The following SPICE1 variants were observed in gnomAD, a reference collection of about 807,000 sequenced individuals.
SPICE1 encodes spindle and centriole associated protein 1.
SPICE1 carries 75 observed loss-of-function variants against 102.7 expected under a neutral mutation model. That is an observed-to-expected ratio of 0.73 (90% CI 0.61 to 0.88). SPICE1 has a LOEUF of 0.88. Ranked by LOEUF, SPICE1 falls within the 40% of genes least tolerant of loss-of-function variation. The pLI is 0.00. For synonymous variants in SPICE1, 308 were observed against 350.3 expected (o/e 0.88, Z 1.35); for missense variants, 979 against 1,020.1 (o/e 0.96, Z 0.55).
chr3:113,454,740 C>T (rs1318294427), intron 13 of SPICE1, among the ~76,000 whole-genome samples: 2 of 151,618 alleles, frequency 1.3e-5, no homozygotes, highest in Non-Finnish European at 2.9e-5. Context: ...AAAAATCAGA[C>T]ATTTGTGTCA....
chr3:113,473,873 A>C (rs939331162), intron 7 of SPICE1, among the ~76,000 whole-genome samples: 1 of 152,150 alleles, frequency 6.6e-6, no homozygotes, highest in Non-Finnish European at 1.5e-5. Flanking sequence ...AAGAAACTGC[A>C]TCAACTAACG....
chr3:113,460,159 A>G, intron 12 of SPICE1: 1 of 985,424 alleles, frequency 1.0e-6, no homozygotes, highest in Non-Finnish European at 1.2e-6. Context: ...CAACACTATC[A>G]CACATGAACA....
At chr3:113,465,564 A>C in intron 11 of SPICE1, 89 bp downstream of exon 11, 1 of 1,210,684 alleles carries the variant, frequency 8.3e-7, no homozygotes, top group Non-Finnish European at 1.2e-6. Flanking sequence ...GATACAGTTA[A>C]ACCAAAAGCA....
In SPICE1 at chr3:113,493,247, T is replaced by G. The variant is rs754757010; in HGVS notation, c.451A>C (p.Ile151Leu). The G allele has an allele frequency of 2.5e-6, 4 of 1,612,852 alleles. No homozygotes were observed. The highest frequency in any genetic ancestry group is 3.4e-6 in the Non-Finnish European group (4 of 1,179,502). ...GACTCATTAAAGATAGATTGGGTGATAGGGTCTTGATTTACCACAATGGGA... is the reference window on the plus strand; with the variant it reads ...GACTCATTAAAGATAGATTGGGTGAGAGGGTCTTGATTTACCACAATGGGA... ...QGPIVVNQDPITQSIFNESVI... is the reference protein window; with the variant it reads ...QGPIVVNQDPLTQSIFNESVI... The change falls in exon 6 of 18, where the codon ATC (isoleucine) becomes CTC (leucine). Residue 151 changes from isoleucine to leucine, a missense_variant. Coordinates refer to ENST00000295872, the MANE Select transcript of SPICE1 (RefSeq NM_144718.4).
intron 11 of SPICE1, among the ~76,000 whole-genome samples, chr3:113,464,994 G>A (rs1040087025): frequency 3.3e-5 from 5 of 151,670 alleles, no homozygotes; most frequent in African/African-American, 9.7e-5. Flanking sequence ...TAGTCCCAGC[G>A]ACTTGGGAGG....
chr3:113,487,600 A>T (rs61608046), intron 7 of SPICE1, among the ~76,000 whole-genome samples: 1 of 152,152 alleles, frequency 6.6e-6, no homozygotes, highest in Non-Finnish European at 1.5e-5. Flanking sequence ...AGAAAGTATA[A>T]TAAGAGCTAT....
intron 7 of SPICE1, among the ~76,000 whole-genome samples, chr3:113,474,266 G>A (rs1936283343): frequency 6.6e-6 from 1 of 151,952 alleles, no homozygotes; most frequent in Admixed American, 6.6e-5. Context: ...ACCCAATACA[G>A]GAGCACCCAG....
intron 14 of SPICE1, among the ~76,000 whole-genome samples, chr3:113,452,428 A>G (rs910210244): frequency 6.6e-6 from 1 of 152,252 alleles, no homozygotes; most frequent in Non-Finnish European, 1.5e-5. Flanking sequence ...TCATGCCTGT[A>G]ATTCCAGCAC....
chr3:113,489,665 G>A (rs1449912130), intron 6 of SPICE1, among the ~76,000 whole-genome samples: 1 of 151,952 alleles, frequency 6.6e-6, no homozygotes. Flanking sequence ...GAACAACATG[G>A]CGAAACCATG....
intron 7 of SPICE1, among the ~76,000 whole-genome samples, chr3:113,471,771 T>A (rs1210005845): frequency 2.0e-5 from 3 of 151,934 alleles, no homozygotes; most frequent in Non-Finnish European, 4.4e-5. Context: ...GCTCACTTAT[T>A]AAAACAAAAA....
intron 4 of SPICE1, among the ~76,000 whole-genome samples, chr3:113,494,919 T>A (rs1040089284): frequency 6.6e-6 from 1 of 152,126 alleles, no homozygotes. Context: ...CTTAGAGGTG[T>A]TTCAACCACT....
intron 7 of SPICE1, among the ~76,000 whole-genome samples, chr3:113,478,351 A>T (rs144383566): frequency 5.3e-5 from 8 of 152,278 alleles, no homozygotes; most frequent in African/African-American, 1.4e-4. Context: ...TATATTAAAC[A>T]TCTAAAATAC....
rs368859965 is a variant in SPICE1, at chr3:113,459,887, GAAA to G, written c.1435+727_1435+729del. 6.2e-3 allele frequency: 5,334 copies of G among 856,236 alleles called. 39 individuals carry two copies. The highest frequency in any genetic ancestry group is 0.054 in the African/African-American group (2,228 of 40,914). 53.0% of individuals were successfully genotyped at this position (856,236 alleles called of 1,614,324 possible). A position where few individuals can be genotyped will look rare whatever the true frequency, so the allele number is the denominator to read the frequency against. On this transcript the variant is annotated intron_variant, in intron 12 of 17. Transcript: ENST00000295872. ...ACAGAGCGAAACTCCATCTCAAAAA[GAAA>G]AAAAAAAAAAAAATAGCAAGACTCC...
At chr3:113,464,404 AT>A in intron 11 of SPICE1, among the ~76,000 whole-genome samples, 1 of 151,788 alleles carries the variant, frequency 6.6e-6, no homozygotes, top group East Asian at 1.9e-4. Context: ...CTACAGGCAT[AT>A]GCTACCATGC....
intron 7 of SPICE1, among the ~76,000 whole-genome samples, chr3:113,478,715 A>T (rs1186951308): frequency 6.6e-6 from 1 of 152,190 alleles, no homozygotes; most frequent in Admixed American, 6.5e-5. Flanking sequence ...GTAAGGATAC[A>T]AAAGTATTCA....
At chr3:113,505,365 T>C (rs1178282023) in intron 2 of SPICE1, among the ~76,000 whole-genome samples, 3 of 152,076 alleles carry the variant, frequency 2.0e-5, no homozygotes, top group Admixed American at 6.6e-5. Context: ...ACATCCTTGT[T>C]ATTAAAATTT....
chr3:113,471,946 G>A (rs1936210495), intron 7 of SPICE1, among the ~76,000 whole-genome samples: 1 of 152,208 alleles, frequency 6.6e-6, no homozygotes, highest in Non-Finnish European at 1.5e-5. Context: ...GCGCAGGACA[G>A]TGGGTGCAGT....
At chr3:113,478,870 C>T (rs1936423657) in intron 7 of SPICE1, among the ~76,000 whole-genome samples, 1 of 151,932 alleles carries the variant, frequency 6.6e-6, no homozygotes, top group African/African-American at 2.4e-5. Flanking sequence ...CATCAAGTTC[C>T]ACAGGTAGAA....
chr3:113,458,430 T>G (rs1935836171), intron 12 of SPICE1, among the ~76,000 whole-genome samples: 1 of 152,216 alleles, frequency 6.6e-6, no homozygotes, highest in Non-Finnish European at 1.5e-5. Flanking sequence ...GCCGGGCTGG[T>G]CTCCAGCTCC....
Sources: gnomAD v4.1 joint callset for allele counts (sites outside exome capture counted in the v4.1 genomes callset) on GRCh38, gnomAD v4.1.1 for gene constraint, MANE v1.5 for transcripts, NCBI Gene and HGNC (gene_info 2026-07-23, HGNC 2026-07-21) for gene names.